Variants in CEBPE observed in about 807,000 individuals in gnomAD.
CEBPE encodes the protein CCAAT enhancer binding protein epsilon, also known as CCAAT/enhancer-binding protein epsilon.
CEBPE carries 10 observed loss-of-function variants against 20.4 expected under a neutral mutation model. That is an observed-to-expected ratio of 0.49 (90% CI 0.30 to 0.83). The LOEUF (loss-of-function observed/expected upper bound fraction) is 0.83. CEBPE is among the 40% of genes least tolerant of loss of function. The pLI is 0.06. For missense variants in CEBPE, 389 were observed against 383.3 expected, an observed-to-expected ratio of 1.01 and a Z score of -0.12; for synonymous variants, 179 against 162.6, an observed-to-expected ratio of 1.10 and a Z score of -0.77.
Position 23,119,153 on chromosome 14 carries a change from C to T in CEBPE, c.-62G>A. 1 of 1,170,610 alleles carries T rather than the reference C, an allele frequency of 8.5e-7. No individual in the cohort carries two copies. Among genetic ancestry groups the T allele is most frequent in the Non-Finnish European group, 1.2e-6 (1 of 819,902 alleles). 72.5% of individuals were successfully genotyped at this position (1,170,610 alleles called of 1,614,324 possible). On this transcript the variant is annotated 5_prime_UTR_variant, in exon 1 of 2. Transcript: ENST00000206513. ...CTCTTGAGGCACCCCTTGGGGTGCT[C>T]CGGCTGCCCTCTCTCTACCTCCTCC...
In CEBPE at chr14:23,119,111, C is replaced by G. The variant is rs78537674; in HGVS notation, c.-20G>C. 2 of 1,531,530 alleles carry G rather than the reference C, an allele frequency of 1.3e-6. No homozygotes were observed. Among genetic ancestry groups the G allele is most frequent in the Non-Finnish European group, 1.8e-6 (2 of 1,130,526 alleles). The allele number at this position is 1,531,530 out of a possible 1,614,324, so 94.9% of individuals were successfully genotyped here. A position where few individuals can be genotyped will look rare whatever the true frequency, so the allele number is the denominator to read the frequency against. On this transcript the variant is annotated 5_prime_UTR_variant, in exon 1 of 2. Coordinates refer to ENST00000206513, the MANE Select transcript of CEBPE (RefSeq NM_001805.4). ...GGACATGGCCGGCCCGCCCCCTCGG[C>G]TCCCCGCCCCCACCTGCTCTTGAGG... is the stretch of plus-strand genomic sequence containing the variant.
chr14:23,118,139 C>T lies in CEBPE; in HGVS notation c.511-317G>A. On this transcript the variant is annotated intron_variant, in intron 1 of 1. Coordinates refer to ENST00000206513, the MANE Select transcript of CEBPE (RefSeq NM_001805.4). This position sits in a 1 kb window ranked among gnomAD's most constrained non-coding sequence, Gnocchi z 5.5. Reference sequence around the variant, plus strand: ...CCAACCCCTGGCCTTAAGCGAACCTCCTGCTTTGGCCTCCCAAAGCGCTGG... The same window carrying T: ...CCAACCCCTGGCCTTAAGCGAACCTTCTGCTTTGGCCTCCCAAAGCGCTGG... Among the ~76,000 whole-genome samples the T allele has an allele frequency of 6.6e-6, 1 of 152,128 alleles. No homozygotes were observed. The highest frequency in any genetic ancestry group is 1.9e-4 in the East Asian group (1 of 5,188).
At position 23,118,465 on chromosome 14, in the gene CEBPE, C is replaced by A; in HGVS notation, c.510+117G>T. ...GAACACAGAGGACTGTGGGTTGGGTCCATTTCACAGAGCGACACCAAGCAC... is the reference window on the plus strand; with the variant it reads ...GAACACAGAGGACTGTGGGTTGGGTACATTTCACAGAGCGACACCAAGCAC... On this transcript the variant is annotated intron_variant, in intron 1 of 1. Transcript: ENST00000206513. The surrounding 1 kb of genome is among the most constrained non-coding windows in gnomAD (Gnocchi z 5.5). The A allele has an allele frequency of 7.6e-7, 1 of 1,314,168 alleles. No individual in the cohort carries two copies. The highest frequency in any genetic ancestry group is 1.0e-6 in the Non-Finnish European group (1 of 975,552). The allele number at this position is 1,314,168 out of a possible 1,614,324, so 81.4% of individuals were successfully genotyped here. A position where few individuals can be genotyped will look rare whatever the true frequency, so the allele number is the denominator to read the frequency against.
chr14:23,117,699 C>T lies in CEBPE; in HGVS notation c.634G>A (p.Glu212Lys), dbSNP rs1261194819. Reference sequence around the variant, plus strand: ...TTGCGCACGGCGATGTTGTTGCGCTCCCGCCTCAGCCGGTACTCAAGGCTA... The same window carrying T: ...TTGCGCACGGCGATGTTGTTGCGCTTCCGCCTCAGCCGGTACTCAAGGCTA... ...KDSLEYRLRR[E>K]RNNIAVRKSR... The change falls in exon 2 of 2, where the codon GAG becomes AAG. Residue 212 changes from glutamate (E) to lysine (K), a missense_variant. Physicochemically the swap from Glu to Lys is moderately conservative, Grantham distance 56. Coordinates refer to ENST00000206513, the MANE Select transcript of CEBPE (RefSeq NM_001805.4). 1 of 1,614,050 alleles carries T rather than the reference C, an allele frequency of 6.2e-7. No individual in the cohort carries two copies. The highest frequency in any genetic ancestry group is 8.5e-7 in the Non-Finnish European group (1 of 1,180,044).
Position 23,118,891 on chromosome 14 carries a change from T to C in CEBPE, c.201A>G (p.Arg67=). The change falls in exon 1 of 2, where the codon AGA becomes AGG. Residue 67 remains arginine, a synonymous_variant. Coordinates refer to ENST00000206513, the MANE Select transcript of CEBPE (RefSeq NM_001805.4). The surrounding 1 kb of genome is among the most constrained non-coding windows in gnomAD (Gnocchi z 5.5). The part of the protein sequence containing the change: ...LFAVKPAPEA[R]GLKGPGTPAF... ...CAGGGGTTCCGGGGCCCTTGAGGCCTCTGGCCTCAGGCGCTGGCTTCACGG... is the reference window on the plus strand; with the variant it reads ...CAGGGGTTCCGGGGCCCTTGAGGCCCCTGGCCTCAGGCGCTGGCTTCACGG... 1.2e-6 allele frequency: 2 copies of C among 1,614,030 alleles called. No individual in the cohort carries two copies. The highest frequency in any genetic ancestry group is 1.7e-6 in the Non-Finnish European group (2 of 1,179,958).
rs1289833516 is a variant in CEBPE, at chr14:23,118,663, G to A, written c.429C>T (p.Tyr143=). ...CTGTCTGCCCACAGTGTGCCACTTG[G>A]TACTGCAGGGGATTGTAGCTGCCTC... ...ASRGSYNPLQ[Y]QVAHCGQTAM... The change falls in exon 1 of 2, where the codon TAC becomes TAT. Residue 143 remains tyrosine (Y), a synonymous_variant. Transcript: ENST00000206513. This position sits in a 1 kb window ranked among gnomAD's most constrained non-coding sequence, Gnocchi z 5.5. 3 of 1,612,708 alleles carry A rather than the reference G, an allele frequency of 1.9e-6. No individual in the cohort carries two copies. The highest frequency in any genetic ancestry group is 2.5e-6 in the Non-Finnish European group (3 of 1,179,942).
chr14:23,119,150 G>GC lies in CEBPE; in HGVS notation c.-60dup. 8.2e-7 allele frequency: 1 copy of GC among 1,224,284 alleles called. No individual in the cohort carries two copies. Among genetic ancestry groups the GC allele is most frequent in the Non-Finnish European group, 1.2e-6 (1 of 866,632 alleles). The allele number at this position is 1,224,284 out of a possible 1,614,324, so 75.8% of individuals were successfully genotyped here. A position where few individuals can be genotyped will look rare whatever the true frequency, so the allele number is the denominator to read the frequency against. Reference sequence around the variant, plus strand: ...CTGCTCTTGAGGCACCCCTTGGGGTGCTCCGGCTGCCCTCTCTCTACCTCC... The same window carrying GC: ...CTGCTCTTGAGGCACCCCTTGGGGTGCCTCCGGCTGCCCTCTCTCTACCTCC... On this transcript the variant is annotated 5_prime_UTR_variant, in exon 1 of 2. Transcript: ENST00000206513.
Position 23,117,374 on chromosome 14 carries a change from G to T in CEBPE, c.*113C>A. On this transcript the variant is annotated 3_prime_UTR_variant, in exon 2 of 2. Coordinates refer to ENST00000206513, the MANE Select transcript of CEBPE (RefSeq NM_001805.4). ...TGGGTCCTGCCCTCTTTGCCACCCC[G>T]GTTGCCATTTATCCATGGTCTATGT... The T allele has an allele frequency of 8.9e-7, 1 of 1,121,750 alleles. No individual in the cohort carries two copies. The highest frequency in any genetic ancestry group is 1.5e-5 in the African/African-American group (1 of 64,804). 69.5% of individuals were successfully genotyped at this position (1,121,750 alleles called of 1,614,324 possible).
chr14:23,118,743 C>A lies in CEBPE; in HGVS notation c.349G>T (p.Ala117Ser). The A allele has an allele frequency of 6.2e-7, 1 of 1,613,610 alleles. No individual in the cohort carries two copies. The highest frequency in any genetic ancestry group is 8.5e-7 in the Non-Finnish European group (1 of 1,179,844). ...YSSPGSYDPR[A>S]VAVKEEPRGP... is the part of the protein sequence containing the mutation. ...CGGGGCTCCTCCTTCACCGCCACAG[C>A]CCTGGGGTCGTAGCTCCCTGGGCTG... The change falls in exon 1 of 2, where the codon GCT (alanine) becomes TCT (serine). Residue 117 changes from alanine to serine, a missense_variant. Ala to Ser is a moderately conservative substitution (Grantham distance 99). Around this residue, in one of 3 missense-constraint regions of CEBPE, gnomAD observed 294 missense variants for 279.7 expected, o/e 1.05. Coordinates refer to ENST00000206513, the MANE Select transcript of CEBPE (RefSeq NM_001805.4). This position sits in a 1 kb window ranked among gnomAD's most constrained non-coding sequence, Gnocchi z 5.5.
chr14:23,117,924 A>G (rs1566773228), intron 1 of CEBPE, 102 bp from the exon 2 acceptor site: 1 of 830,350 alleles, frequency 1.2e-6, no homozygotes, highest in Middle Eastern at 3.7e-4. Context: ...TTGATGCGTC[A>G]AAGGAATACA....
In CEBPE at chr14:23,118,558, G is replaced by T; in HGVS notation, c.510+24C>A. 6.3e-7 allele frequency: 1 copy of T among 1,597,656 alleles called. No homozygotes were observed. ...CAGCCTCTCCAGCCCCGGGCAGGAGGGAGGAGGGCTGGCCTGCTCTTACCT... is the reference window on the plus strand; with the variant it reads ...CAGCCTCTCCAGCCCCGGGCAGGAGTGAGGAGGGCTGGCCTGCTCTTACCT... On this transcript the variant is annotated intron_variant, in intron 1 of 1. Transcript: ENST00000206513. This position sits in a 1 kb window ranked among gnomAD's most constrained non-coding sequence, Gnocchi z 5.5.
In CEBPE at chr14:23,117,496, A is replaced by G; in HGVS notation, c.837T>C (p.Gly279=). The change falls in exon 2 of 2, where the codon GGT becomes GGC. Residue 279 remains glycine (G), a synonymous_variant. Coordinates refer to ENST00000206513, the MANE Select transcript of CEBPE (RefSeq NM_001805.4). ...AATCCACCAGCCAGCCTCAGCTGCA[A>G]CCCCCCACGCCCTTGATGAGGTTGG... ...EAANLIKGVG[G]CS 6.2e-7 allele frequency: 1 copy of G among 1,611,742 alleles called. No individual in the cohort carries two copies. Among genetic ancestry groups the G allele is most frequent in the African/African-American group, 1.3e-5 (1 of 74,854 alleles).
chr14:23,118,159 C>T lies in CEBPE; in HGVS notation c.511-337G>A, dbSNP rs1422723371. 4.6e-5 allele frequency among the ~76,000 whole-genome samples: 7 copies of T among 152,114 alleles called. No homozygotes were observed. In the South Asian group the frequency reaches 6.2e-4, roughly 14 times the overall value. ...AACCTCCTGCTTTGGCCTCCCAAAG[C>T]GCTGGGATTACAGGCATGAGCCACG... On this transcript the variant is annotated intron_variant, in intron 1 of 1. Transcript: ENST00000206513. The surrounding 1 kb of genome is among the most constrained non-coding windows in gnomAD (Gnocchi z 5.5).
chr14:23,119,211 C>G lies in CEBPE; in HGVS notation c.-120G>C, dbSNP rs2048527636. ...GGCCTGCCCTCTCTCGATCTTCTGCCCTAGACCTGCCCTCTGCAGTCTCCT... is the reference window on the plus strand; with the variant it reads ...GGCCTGCCCTCTCTCGATCTTCTGCGCTAGACCTGCCCTCTGCAGTCTCCT... On this transcript the variant is annotated 5_prime_UTR_variant, in exon 1 of 2. Coordinates refer to ENST00000206513, the MANE Select transcript of CEBPE (RefSeq NM_001805.4). The G allele has an allele frequency of 1.4e-6, 1 of 689,752 alleles. No homozygotes were observed. The highest frequency in any genetic ancestry group is 2.5e-6 in the Non-Finnish European group (1 of 399,970). 42.7% of individuals were successfully genotyped at this position (689,752 alleles called of 1,614,324 possible).
At chr14:23,117,876 GC>G in intron 1 of CEBPE, 54 bp from the exon 2 acceptor site, 1 of 1,442,922 alleles carries the variant, frequency 6.9e-7, no homozygotes, top group Non-Finnish European at 9.4e-7. Context: ...AGGAGGCAGA[GC>G]GGAGGCGGGG....
rs771272639 is a variant in CEBPE, at chr14:23,117,784, G to T, written c.549C>A (p.Leu183=). 6.2e-7 allele frequency: 1 copy of T among 1,611,760 alleles called. No homozygotes were observed. ...LATAAPPCSP[L]LKAPSPAGPL... Reference sequence around the variant, plus strand: ...GGCCAGCCGGGGAGGGCGCCTTCAGGAGGGGACTGCAGGGGGGTGCGGCAG... The same window carrying T: ...GGCCAGCCGGGGAGGGCGCCTTCAGTAGGGGACTGCAGGGGGGTGCGGCAG... Residue 183 remains leucine (L), a synonymous_variant, in exon 2 of 2, where the codon CTC becomes CTA. Transcript: ENST00000206513.
At position 23,117,846 on chromosome 14, in the gene CEBPE, C is replaced by T. The variant is rs45496295; in HGVS notation, c.511-24G>A. ...GCCTGGAGGGGAAGGCACGGAGAGACGGAGAGGTGAGGGCTGGCCAGGAGG... is the reference window on the plus strand; with the variant it reads ...GCCTGGAGGGGAAGGCACGGAGAGATGGAGAGGTGAGGGCTGGCCAGGAGG... On this transcript the variant is annotated intron_variant, in intron 1 of 1. Coordinates refer to ENST00000206513, the MANE Select transcript of CEBPE (RefSeq NM_001805.4). 0.027 allele frequency: 42,766 copies of T among 1,572,004 alleles called. 690 individuals are homozygous for T. The highest frequency in any genetic ancestry group is 0.033 in the Non-Finnish European group (38,038 of 1,157,098).
Position 23,118,151 on chromosome 14 carries a change from T to C in CEBPE, c.511-329A>G, listed in dbSNP as rs1234036529. Among the ~76,000 whole-genome samples, 1 of 152,054 alleles carries C rather than the reference T, an allele frequency of 6.6e-6. No homozygotes were observed. Among genetic ancestry groups the C allele is most frequent in the African/African-American group, 2.4e-5 (1 of 41,372 alleles). On this transcript the variant is annotated intron_variant, in intron 1 of 1. Coordinates refer to ENST00000206513, the MANE Select transcript of CEBPE (RefSeq NM_001805.4). This position sits in a 1 kb window ranked among gnomAD's most constrained non-coding sequence, Gnocchi z 5.5. ...CTTAAGCGAACCTCCTGCTTTGGCC[T>C]CCCAAAGCGCTGGGATTACAGGCAT...
Position 23,118,585 on chromosome 14 carries a change from G to A in CEBPE, c.507C>T (p.Leu169=), listed in dbSNP as rs1356663445. Reference sequence around the variant, plus strand: ...AGGAGGGCTGGCCTGCTCTTACCTTGAGAACGCGCAGAGGCTGGCCGGGTG... The same window carrying A: ...AGGAGGGCTGGCCTGCTCTTACCTTAAGAACGCGCAGAGGCTGGCCGGGTG... ...LAAPGQPLRV[L]KAPLATAAPP... Residue 169 remains leucine, a synonymous_variant, in exon 1 of 2, where the codon CTC becomes CTT. Coordinates refer to ENST00000206513, the MANE Select transcript of CEBPE (RefSeq NM_001805.4). The surrounding 1 kb of genome is among the most constrained non-coding windows in gnomAD (Gnocchi z 5.5). 1 of 1,607,588 alleles carries A rather than the reference G, an allele frequency of 6.2e-7. No homozygotes were observed. Among genetic ancestry groups the A allele is most frequent in the South Asian group, 1.1e-5 (1 of 90,758 alleles).
Sources: allele counts gnomAD v4.1 joint callset (sites outside exome capture counted in the v4.1 genomes callset), GRCh38; gene constraint gnomAD v4.1.1; regional missense constraint gnomAD v4.1.1; non-coding constraint Gnocchi (gnomAD v3.1); transcripts MANE v1.5; gene names NCBI Gene and HGNC (gene_info 2026-07-23, HGNC 2026-07-21).